Variants in CCDC186 observed in about 807,000 individuals in gnomAD.
The protein encoded by CCDC186 is coiled-coil domain containing 186, also known as coiled-coil domain-containing protein 186.
A neutral mutation model predicts 113.7 loss-of-function variants in CCDC186; 49 were observed. That is an observed-to-expected ratio of 0.43 (90% CI 0.34 to 0.55). The LOEUF is 0.55. Among genes scored for constraint, CCDC186 ranks in the 20% least tolerant of loss-of-function variants. The probability of loss-of-function intolerance (pLI) is 0.02; values close to 1 mark genes in which losing one functional copy is unlikely to be tolerated. For missense variants in CCDC186, 890 were observed against 1,011.1 expected (o/e 0.88, Z 1.62); for synonymous variants, 355 against 345.8 (o/e 1.03, Z -0.30).
Position 114,132,082 on chromosome 10 carries a change from A to G in CCDC186, c.1758T>C (p.Ser586=), listed in dbSNP as rs1464137176. ...KDIEGSRKRE[S]ELLLFTERLT... ...GCCTTTCTGTAAACAGCAGCAGCTC[A>G]GATTCTCTTTTCCTACTGCCTTCGA... The change falls in exon 11 of 16, where the codon TCT becomes TCC. Residue 586 remains serine (S), a synonymous_variant. Coordinates refer to ENST00000369287, the MANE Select transcript of CCDC186 (RefSeq NM_018017.4). 6 of 1,613,620 alleles carry G rather than the reference A, an allele frequency of 3.7e-6. No individual in the cohort carries two copies. Among genetic ancestry groups the G allele is most frequent in the African/African-American group, 2.7e-5 (2 of 75,054 alleles).
At chr10:114,149,549 GAAGGGAAGGA>G (rs1564912627) in intron 4 of CCDC186, among the ~76,000 whole-genome samples, 48 of 109,324 alleles carry the variant, frequency 4.4e-4, no homozygotes, top group African/African-American at 1.2e-3. Context: ...GAAGGGAAGG[GAAGGGAAGGA>G]AAGGAAAGGG....
In CCDC186 at chr10:114,151,742, C is replaced by T. The variant is rs115910969; in HGVS notation, c.760-522G>A. ...AGTTACCAGACTGACTATGGCAGGA[C>T]GACAGTGCTTGTGTGCAGCAACACT... On this transcript the variant is annotated intron_variant, in intron 3 of 15. Transcript: ENST00000369287. 1.9e-3 allele frequency among the ~76,000 whole-genome samples: 288 copies of T among 152,234 alleles called. 2 individuals carry two copies. The highest frequency in any genetic ancestry group is 5.7e-3 in the African/African-American group (237 of 41,554).
At chr10:114,161,405 CAT>C (rs1268186943) in intron 2 of CCDC186, among the ~76,000 whole-genome samples, 1 of 152,026 alleles carries the variant, frequency 6.6e-6, no homozygotes, top group African/African-American at 2.4e-5. Context: ...TCAGCATATA[CAT>C]GTTTACTGCT....
intron 2 of CCDC186, among the ~76,000 whole-genome samples, chr10:114,157,964 T>C (rs1048162494): frequency 2.6e-5 from 4 of 152,224 alleles, no homozygotes; most frequent in African/African-American, 9.6e-5. Context: ...TACCTTCAGG[T>C]ATCTCAATTA....
chr10:114,166,409 T>C (rs1212589804), intron 1 of CCDC186, among the ~76,000 whole-genome samples: 1 of 152,212 alleles, frequency 6.6e-6, no homozygotes, highest in African/African-American at 2.4e-5. Flanking sequence ...TCCTCCAAAT[T>C]TTCTCTCATC....
At chr10:114,153,014 A>T (rs2119814650) in intron 3 of CCDC186, among the ~76,000 whole-genome samples, 1 of 152,374 alleles carries the variant, frequency 6.6e-6, no homozygotes, top group Non-Finnish European at 1.5e-5. Context: ...AAAATAAGTC[A>T]ACAATAGTTG....
At chr10:114,169,624 C>T (rs1333118378) in intron 1 of CCDC186, among the ~76,000 whole-genome samples, 2 of 152,184 alleles carry the variant, frequency 1.3e-5, no homozygotes, top group Non-Finnish European at 2.9e-5. Flanking sequence ...CACTCCTGTT[C>T]TTCAATATAA....
intron 7 of CCDC186, 23 bp from the exon 8 acceptor site, chr10:114,136,269 A>G: frequency 6.4e-7 from 1 of 1,569,928 alleles, no homozygotes; most frequent in Non-Finnish European, 8.7e-7. Context: ...AAACAAAAAA[A>G]GTGTGACAAT....
At chr10:114,144,749 A>AAT in intron 5 of CCDC186, 133 bp from the exon 6 acceptor site, 1 of 687,344 alleles carries the variant, frequency 1.5e-6, no homozygotes, top group Non-Finnish European at 2.2e-6. Flanking sequence ...ACAGACTATA[A>AAT]AACTTATTTA....
chr10:114,149,621 A>AG (rs1564912728), intron 4 of CCDC186, among the ~76,000 whole-genome samples: 1,277 of 13,866 alleles, frequency 0.092, 67 homozygotes, highest in African/African-American at 0.18. Flanking sequence ...AGGGAAGGGA[A>AG]GGAAAGGGAG....
rs184897465 is a variant in CCDC186 at position 114,151,236 on chromosome 10, T to A, written c.760-16A>T. On this transcript the variant is annotated splice_polypyrimidine_tract_variant and intron_variant, in intron 3 of 15. Transcript: ENST00000369287. Reference sequence around the variant, plus strand: ...TTGATTCTAACTGTAAAGAAAATTATTTCCAAATTATTTTTATAGCTATAC... The same window carrying A: ...TTGATTCTAACTGTAAAGAAAATTAATTCCAAATTATTTTTATAGCTATAC... The A allele has an allele frequency of 2.7e-6, 4 of 1,483,306 alleles. No homozygotes were observed. The Admixed American group carries it at 5.4e-5, about 20-fold the overall frequency. 91.9% of individuals were successfully genotyped at this position (1,483,306 alleles called of 1,614,324 possible).
At position 114,121,057 on chromosome 10, in the gene CCDC186, T is replaced by G. The variant is rs1179955655; in HGVS notation, c.*4086A>C. On this transcript the variant is annotated 3_prime_UTR_variant, in exon 16 of 16. Transcript: ENST00000369287. ...GTTTCATCATTGCAGTCAAAATGGA[T>G]AGCGATTTGCATTTTAGAAAAAGAA... is the stretch of plus-strand genomic sequence containing the variant. 1 of 152,134 alleles carries G rather than the reference T, an allele frequency of 6.6e-6. No individual in the cohort carries two copies. The highest frequency in any genetic ancestry group is 1.9e-4 in the East Asian group (1 of 5,198). The allele number at this position is 152,134 out of a possible 1,614,324, so 9.4% of individuals were successfully genotyped here. A position where few individuals can be genotyped will look rare whatever the true frequency, so the allele number is the denominator to read the frequency against.
intron 1 of CCDC186, among the ~76,000 whole-genome samples, chr10:114,164,706 A>G (rs1312557263): frequency 2.6e-5 from 4 of 152,244 alleles, no homozygotes; most frequent in African/African-American, 9.6e-5. Context: ...AAATAGCTCT[A>G]GTTTATACAT....
chr10:114,148,303 C>T (rs1415391954), intron 4 of CCDC186, among the ~76,000 whole-genome samples: 1 of 152,164 alleles, frequency 6.6e-6, no homozygotes, highest in Non-Finnish European at 1.5e-5. Context: ...AATGGCAGCA[C>T]CTACCTCACA....
rs1441213569 is a variant in CCDC186 at position 114,144,605 on chromosome 10, C to T, written c.1113G>A (p.Thr371=). The T allele has an allele frequency of 1.1e-5, 17 of 1,608,510 alleles. No individual in the cohort carries two copies. The highest frequency in any genetic ancestry group is 1.7e-5 in the Admixed American group (1 of 59,442). ...HQLYETKEGE[T]TRLIREIDKL... ...TGTCTATTTCTCTGATGAGTCTAGT[C>T]GTTTCGCCTTCCTAAAATAATATCA... The change falls in exon 6 of 16, where the codon ACG becomes ACA. Residue 371 remains threonine, a synonymous_variant. Coordinates refer to ENST00000369287, the MANE Select transcript of CCDC186 (RefSeq NM_018017.4).
At chr10:114,142,347 C>A (rs1053911969) in intron 6 of CCDC186, among the ~76,000 whole-genome samples, 6 of 152,224 alleles carry the variant, frequency 3.9e-5, no homozygotes, top group Non-Finnish European at 5.9e-5. Flanking sequence ...TTCTCTGAAG[C>A]AGTTATGTCT....
chr10:114,139,180 C>G (rs2031378308), intron 6 of CCDC186, among the ~76,000 whole-genome samples: 2 of 151,838 alleles, frequency 1.3e-5, no homozygotes, highest in South Asian at 2.1e-4. Flanking sequence ...CCCCAAATAC[C>G]CAATACTCAT....
chr10:114,149,059 G>T (rs547182058), intron 4 of CCDC186, among the ~76,000 whole-genome samples: 1 of 152,228 alleles, frequency 6.6e-6, no homozygotes, highest in African/African-American at 2.4e-5. Flanking sequence ...GGGAGGAAAA[G>T]TTAGGGGGAA....
intron 1 of CCDC186, chr10:114,165,905 C>G: frequency 1.0e-6 from 1 of 979,176 alleles, no homozygotes; most frequent in Non-Finnish European, 1.2e-6. Flanking sequence ...TATACCTCTT[C>G]ATGCCAAGCA....
Sources: allele counts gnomAD v4.1 joint callset (sites outside exome capture counted in the v4.1 genomes callset), GRCh38; gene constraint gnomAD v4.1.1; transcripts MANE v1.5; gene names NCBI Gene and HGNC (gene_info 2026-07-23, HGNC 2026-07-21).